NPAS3: variants seen among roughly 807,000 people sequenced by gnomAD.
NPAS3 encodes the protein neuronal PAS domain protein 3.
In NPAS3, 14 loss-of-function variants were observed where a neutral mutation model predicts 73.1. The observed-to-expected ratio is 0.19, with a 90% confidence interval of 0.13 to 0.30. The LOEUF is 0.30. NPAS3 is among the 10% of genes least tolerant of loss of function. The probability of loss-of-function intolerance (pLI) is 1.00; values close to 1 mark genes in which losing one functional copy is unlikely to be tolerated. For synonymous variants in NPAS3, 620 were observed against 541.5 expected, an observed-to-expected ratio of 1.14 and a Z score of -2.01; for missense variants, 1,096 against 1,250.0, an observed-to-expected ratio of 0.88 and a Z score of 1.86.
chr14:33,563,248 T>C (rs914525549), intron 5 of NPAS3, among the ~76,000 whole-genome samples: 3 of 152,114 alleles, frequency 2.0e-5, no homozygotes, highest in Non-Finnish European at 4.4e-5. Context: ...ATGCTCAGGA[T>C]AGAATTAGGA....
chr14:33,418,588 C>T (rs1361706414), intron 4 of NPAS3, among the ~76,000 whole-genome samples: 1 of 151,924 alleles, frequency 6.6e-6, no homozygotes, highest in African/African-American at 2.4e-5. Context: ...TTGTATTTCT[C>T]TGTTGATGAG....
intron 1 of NPAS3, among the ~76,000 whole-genome samples, chr14:33,010,057 A>G (rs572410275): frequency 6.6e-6 from 1 of 152,234 alleles, no homozygotes; most frequent in Non-Finnish European, 1.5e-5. Flanking sequence ...AATGCATGGA[A>G]CAGTGTCAGG....
intron 4 of NPAS3, among the ~76,000 whole-genome samples, chr14:33,556,682 A>C (rs2047744303): frequency 1.3e-5 from 2 of 152,214 alleles, no homozygotes; most frequent in Admixed American, 1.3e-4. Context: ...GGGAGTGAAG[A>C]AGATTTAATC....
chr14:33,353,319 T>C lies in NPAS3; in HGVS notation c.386-13867T>C, dbSNP rs142587019. 1.0e-3 allele frequency among the ~76,000 whole-genome samples: 159 copies of C among 152,362 alleles called. 1 individual carries two copies. Among genetic ancestry groups the C allele is most frequent in the African/African-American group, 3.6e-3 (151 of 41,590 alleles). ...AGCTCACACCTGTGTATATTAATAA[T>C]CACTTGCAATACTTGCCTGTGGGTA... On this transcript the variant is annotated intron_variant, in intron 3 of 11. Transcript: ENST00000356141.
chr14:33,289,107 T>TTAAG (rs374285782), intron 3 of NPAS3, among the ~76,000 whole-genome samples: 2 of 152,198 alleles, frequency 1.3e-5, no homozygotes, highest in African/African-American at 4.8e-5. Context: ...AGTACTGTGA[T>TTAAG]TAAGTGTTTC....
intron 7 of NPAS3, among the ~76,000 whole-genome samples, chr14:33,771,940 C>A (rs1365421085): frequency 6.6e-6 from 1 of 152,158 alleles, no homozygotes; most frequent in Non-Finnish European, 1.5e-5. Flanking sequence ...CACTATTTGC[C>A]ATTTACAAGC....
chr14:33,292,346 A>T (rs934644153), intron 3 of NPAS3, among the ~76,000 whole-genome samples: 2 of 152,112 alleles, frequency 1.3e-5, no homozygotes, highest in African/African-American at 4.8e-5. Context: ...AAGCCCCTAG[A>T]TCTGGGCTCT....
intron 4 of NPAS3, among the ~76,000 whole-genome samples, chr14:33,532,707 A>C (rs2054097390): frequency 6.6e-6 from 1 of 152,110 alleles, no homozygotes; most frequent in Admixed American, 6.6e-5. Context: ...CCCTGGGAAT[A>C]ATATGTAAAA....
upstream of NPAS3, among the ~76,000 whole-genome samples, chr14:32,938,970 G>C (rs1201034135): frequency 1.4e-5 from 2 of 146,062 alleles, no homozygotes; most frequent in Admixed American, 1.4e-4. Flanking sequence ...CGGCGGCGCC[G>C]GGCGAGCAGC....
intron 6 of NPAS3, among the ~76,000 whole-genome samples, chr14:33,683,554 G>T (rs190294960): frequency 9.9e-5 from 15 of 151,548 alleles, no homozygotes; most frequent in Admixed American, 8.6e-4. Context: ...ACATTCCACT[G>T]CACAGAAGTT....
Position 32,991,494 on chromosome 14 carries a change from A to G in NPAS3, c.50+52128A>G, listed in dbSNP as rs763980072. Reference sequence around the variant, plus strand: ...AAGGTAGTGGTCTCCTGGATCTCTCATTTATATCCTTGTAATGGCAGTGGA... The same window carrying G: ...AAGGTAGTGGTCTCCTGGATCTCTCGTTTATATCCTTGTAATGGCAGTGGA... On this transcript the variant is annotated intron_variant, in intron 1 of 11. Coordinates refer to ENST00000356141, the Ensembl canonical transcript of NPAS3. 2.9e-4 allele frequency among the ~76,000 whole-genome samples: 44 copies of G among 152,146 alleles called. 1 individual carries two copies. Among genetic ancestry groups the G allele is most frequent in the Admixed American group, 2.2e-3 (33 of 15,282 alleles).
intron 7 of NPAS3, among the ~76,000 whole-genome samples, chr14:33,760,118 C>CTTT (rs1245811760): frequency 6.6e-6 from 1 of 152,112 alleles, no homozygotes; most frequent in Non-Finnish European, 1.5e-5. Flanking sequence ...ACCCCCTGGC[C>CTTT]AAAAGCTTAA....
At chr14:33,470,476 C>G (rs542212577) in intron 4 of NPAS3, among the ~76,000 whole-genome samples, 3 of 152,132 alleles carry the variant, frequency 2.0e-5, no homozygotes, top group Non-Finnish European at 4.4e-5. Context: ...ACTGAAATAA[C>G]TGTCCAAAGA....
chr14:33,720,075 T>C (rs1028404146), intron 6 of NPAS3, among the ~76,000 whole-genome samples: 1 of 152,184 alleles, frequency 6.6e-6, no homozygotes, highest in Non-Finnish European at 1.5e-5. Flanking sequence ...ACAATAATAA[T>C]ATTGTTATTA....
intron 4 of NPAS3, among the ~76,000 whole-genome samples, chr14:33,536,008 G>A (rs2054245484): frequency 6.6e-6 from 1 of 152,092 alleles, no homozygotes; most frequent in Non-Finnish European, 1.5e-5. Context: ...AAAACCGCTG[G>A]AGAGAGGCCT....
intron 6 of NPAS3, among the ~76,000 whole-genome samples, chr14:33,696,015 CTCTT>C (rs1306081819): frequency 6.6e-6 from 1 of 152,104 alleles, no homozygotes; most frequent in African/African-American, 2.4e-5. Flanking sequence ...TTCTTTTCTT[CTCTT>C]TATTTAGGAA....
intron 6 of NPAS3, among the ~76,000 whole-genome samples, chr14:33,710,526 C>A (rs1184820621): frequency 1.3e-5 from 2 of 152,184 alleles, no homozygotes; most frequent in Non-Finnish European, 2.9e-5. Flanking sequence ...CCGCATTCTT[C>A]TCCTACAAGC....
At chr14:33,802,912 C>A (rs1419379089), downstream of NPAS3, 1 of 152,198 alleles carries the variant, frequency 6.6e-6, no homozygotes, top group African/African-American at 2.4e-5. Context: ...TCTCCCTCCT[C>A]TTCATTCCTT....
chr14:33,485,124 C>A (rs1338641820), intron 4 of NPAS3, among the ~76,000 whole-genome samples: 1 of 152,148 alleles, frequency 6.6e-6, no homozygotes, highest in Non-Finnish European at 1.5e-5. Flanking sequence ...CTCATGCTAG[C>A]TTTCTCATGT....
Sources: allele counts gnomAD v4.1 joint callset (sites outside exome capture counted in the v4.1 genomes callset), GRCh38; gene constraint gnomAD v4.1.1; transcripts MANE v1.5; gene names NCBI Gene and HGNC (gene_info 2026-07-23, HGNC 2026-07-21).